GJA5: variants seen among roughly 807,000 people sequenced by gnomAD.
GJA5 encodes the protein gap junction protein alpha 5.
Under a neutral mutation model 7.9 loss-of-function variants are expected in GJA5, and 3 were observed. The ratio of observed to expected loss-of-function variants is 0.38; its 90% confidence interval spans 0.17 to 0.99. The LOEUF (loss-of-function observed/expected upper bound fraction) is 0.99. GJA5 is among the 50% of genes least tolerant of loss of function. The pLI, the probability that GJA5 is intolerant of heterozygous loss-of-function variation, is 0.38. For missense variants in GJA5, 390 were observed against 457.9 expected, an observed-to-expected ratio of 0.85 and a Z score of 1.35; for synonymous variants, 193 against 181.0, an observed-to-expected ratio of 1.07 and a Z score of -0.53.
chr1:147,770,415 G>A (rs1664353180), intron 1 of GJA5, among the ~76,000 whole-genome samples: 2 of 151,964 alleles, frequency 1.3e-5, no homozygotes, highest in African/African-American at 4.8e-5. Context: ...CTAGCTTAGA[G>A]GACAGCAGAA....
At position 147,758,253 on chromosome 1, in the gene GJA5, G is replaced by A. The variant is rs1553226761; in HGVS notation, c.986C>T (p.Pro329Leu). The A allele has an allele frequency of 1.2e-6, 2 of 1,614,094 alleles. No homozygotes were observed. The highest frequency in any genetic ancestry group is 1.7e-5 in the Admixed American group (1 of 60,020). Reference sequence around the variant, plus strand: ...ATAGCCATGGGGAAGGCGGTGACCTGGTGAGACTCCATTGGGCACCTCAGG... The same window carrying A: ...ATAGCCATGGGGAAGGCGGTGACCTAGTGAGACTCCATTGGGCACCTCAGG... Reference protein sequence around the residue: ...QKPEVPNGVSPGHRLPHGYHS... With the variant: ...QKPEVPNGVSLGHRLPHGYHS... The change falls in exon 2 of 2, where the codon CCA becomes CTA. Residue 329 changes from proline to leucine, a missense_variant. By Grantham distance (98) the Pro-to-Leu change is moderately conservative. Transcript: ENST00000579774.
chr1:147,757,683 C>T lies in GJA5; in HGVS notation c.*479G>A, dbSNP rs952408669. The T allele has an allele frequency of 4.8e-5, 9 of 187,554 alleles. No individual in the cohort carries two copies. The highest frequency in any genetic ancestry group is 9.0e-5 in the Non-Finnish European group (8 of 88,572). 11.6% of individuals were successfully genotyped at this position (187,554 alleles called of 1,614,324 possible). On this transcript the variant is annotated 3_prime_UTR_variant, in exon 2 of 2. Transcript: ENST00000579774. Reference sequence around the variant, plus strand: ...GAATGGTCCATGGAGACAACAGATTCAAGAGCACATATAATGCAAGTTCCT... The same window carrying T: ...GAATGGTCCATGGAGACAACAGATTTAAGAGCACATATAATGCAAGTTCCT...
chr1:147,771,961 G>A (rs1664423176), intron 1 of GJA5, among the ~76,000 whole-genome samples: 1 of 152,182 alleles, frequency 6.6e-6, no homozygotes, highest in African/African-American at 2.4e-5. Context: ...GTGGGTGGAG[G>A]GGATGGAGGC....
chr1:147,758,001 G>C lies in GJA5; in HGVS notation c.*161C>G. 1.5e-6 allele frequency: 1 copy of C among 649,318 alleles called. No homozygotes were observed. The highest frequency in any genetic ancestry group is 2.7e-6 in the Non-Finnish European group (1 of 365,206). 40.2% of individuals were successfully genotyped at this position (649,318 alleles called of 1,614,324 possible). A position where few individuals can be genotyped will look rare whatever the true frequency, so the allele number is the denominator to read the frequency against. On this transcript the variant is annotated 3_prime_UTR_variant, in exon 2 of 2. Transcript: ENST00000579774. ...ACCTCTCTTACTATCCCAGAGCCCT[G>C]GTTATAGTTTCTAGAATTAATGAGC... is the stretch of plus-strand genomic sequence containing the variant.
At chr1:147,771,072 C>T (rs1571082049) in intron 1 of GJA5, among the ~76,000 whole-genome samples, 1 of 152,160 alleles carries the variant, frequency 6.6e-6, no homozygotes, top group East Asian at 1.9e-4. Context: ...GTCTCCCTGT[C>T]CCTGAAAACG....
upstream of GJA5, among the ~76,000 whole-genome samples, chr1:147,763,122 A>G (rs1383879290): frequency 6.6e-6 from 1 of 152,214 alleles, no homozygotes; most frequent in Non-Finnish European, 1.5e-5. Context: ...ACATGTACTT[A>G]TGTGCATCTC....
intron 1 of GJA5, among the ~76,000 whole-genome samples, chr1:147,770,678 C>T (rs1282058676): frequency 6.6e-6 from 1 of 152,134 alleles, no homozygotes; most frequent in Non-Finnish European, 1.5e-5. Flanking sequence ...GTTCTTCCTT[C>T]GGCCCTACCC....
At chr1:147,767,905 T>C (rs1199011180) in intron 1 of GJA5, among the ~76,000 whole-genome samples, 4 of 152,222 alleles carry the variant, frequency 2.6e-5, no homozygotes, top group African/African-American at 7.2e-5. Flanking sequence ...GGAATGTTCA[T>C]TGAGATCATT....
intron 1 of GJA5, among the ~76,000 whole-genome samples, chr1:147,771,151 G>A (rs1369580505): frequency 2.0e-5 from 3 of 152,226 alleles, no homozygotes; most frequent in Non-Finnish European, 4.4e-5. Flanking sequence ...GGTGGGGTCA[G>A]CCAGTACCTG....
At position 147,758,883 on chromosome 1, in the gene GJA5, C is replaced by A; in HGVS notation, c.356G>T (p.Gly119Val). Residue 119 changes from glycine (G) to valine (V), a missense_variant, in exon 2 of 2, where the codon GGC becomes GTC. By Grantham distance (109) the Gly-to-Val change is moderately radical. Around this residue, in one of 2 missense-constraint regions of GJA5, gnomAD observed 354 missense variants for 370.9 expected, o/e 0.95. Coordinates refer to ENST00000579774, the MANE Select transcript of GJA5 (RefSeq NM_181703.4). ...REAERAKEVR[G>V]SGSYEYPVAE... ...CACCGGGTACTCGTAAGAGCCAGAGCCCCGGACCTCTTTGGCCCTCTCGGC... is the reference window on the plus strand; with the variant it reads ...CACCGGGTACTCGTAAGAGCCAGAGACCCGGACCTCTTTGGCCCTCTCGGC... 13 of 1,614,222 alleles carry A rather than the reference C, an allele frequency of 8.1e-6. No individual in the cohort carries two copies. The highest frequency in any genetic ancestry group is 1.1e-5 in the Non-Finnish European group (13 of 1,180,026).
At chr1:147,770,656 C>T (rs1026830073) in intron 1 of GJA5, among the ~76,000 whole-genome samples, 1 of 152,120 alleles carries the variant, frequency 6.6e-6, no homozygotes, top group Non-Finnish European at 1.5e-5. Context: ...AAATGTGACT[C>T]CAAATGCCCA....
At chr1:147,761,486 T>G (rs1293920493), upstream of GJA5, among the ~76,000 whole-genome samples, 1 of 152,058 alleles carries the variant, frequency 6.6e-6, no homozygotes, top group Non-Finnish European at 1.5e-5. Flanking sequence ...AACTTGAGAG[T>G]ATACAGTGTC....
intron 1 of GJA5, among the ~76,000 whole-genome samples, chr1:147,766,850 T>C (rs782444658): frequency 1.3e-5 from 2 of 152,158 alleles, no homozygotes; most frequent in Non-Finnish European, 2.9e-5. Flanking sequence ...TGGAATGTGG[T>C]GCAGGGCAGA....
At position 147,758,843 on chromosome 1, in the gene GJA5, T is replaced by C. The variant is rs1365091987; in HGVS notation, c.396A>G (p.Glu132=). The change falls in exon 2 of 2, where the codon GAA becomes GAG. Residue 132 remains glutamate (E), a synonymous_variant. Coordinates refer to ENST00000579774, the MANE Select transcript of GJA5 (RefSeq NM_181703.4). ...SYEYPVAEKA[E]LSCWEEGNGR... is the part of the protein sequence containing the mutation. ...CATTCCCTTCCTCCCAGCAGGACAG[T>C]TCTGCCTTCTCTGCCACCGGGTACT... is the stretch of plus-strand genomic sequence containing the variant. 2 of 1,614,112 alleles carry C rather than the reference T, an allele frequency of 1.2e-6. No individual in the cohort carries two copies. Among genetic ancestry groups the C allele is most frequent in the Non-Finnish European group, 1.7e-6 (2 of 1,180,038 alleles).
chr1:147,769,390 C>G (rs782328513), intron 1 of GJA5, among the ~76,000 whole-genome samples: 6 of 152,214 alleles, frequency 3.9e-5, no homozygotes, highest in Non-Finnish European at 8.8e-5. Context: ...GCATCACTCT[C>G]TAGTAGTGTA....
chr1:147,759,764 T>A (rs1193213481), intron 1 of GJA5, among the ~76,000 whole-genome samples: 1 of 152,192 alleles, frequency 6.6e-6, no homozygotes, highest in African/African-American at 2.4e-5. Context: ...CGAATGGGGA[T>A]GGGAATAGCT....
intron 1 of GJA5, among the ~76,000 whole-genome samples, chr1:147,769,200 C>T (rs587680703): frequency 3.2e-4 from 49 of 152,380 alleles, no homozygotes; most frequent in South Asian, 6.2e-4. Flanking sequence ...AAAGTTATTT[C>T]CTTTTTTAGC....
upstream of GJA5, among the ~76,000 whole-genome samples, chr1:147,762,707 A>G (rs1664064901): frequency 6.6e-6 from 1 of 152,172 alleles, no homozygotes; most frequent in Non-Finnish European, 1.5e-5. Context: ...TAAAATAGCT[A>G]CCATGTACCA....
Position 147,758,021 on chromosome 1 carries a change from A to G in GJA5, c.*141T>C, listed in dbSNP as rs1171741084. The stretch of plus-strand genomic sequence containing the variant: ...GCCCTGGTTATAGTTTCTAGAATTA[A>G]TGAGCAACGTCATTGAGACCCGGGG... On this transcript the variant is annotated 3_prime_UTR_variant, in exon 2 of 2. Coordinates refer to ENST00000579774, the MANE Select transcript of GJA5 (RefSeq NM_181703.4). 2.9e-6 allele frequency: 2 copies of G among 693,664 alleles called. No individual in the cohort carries two copies. Among genetic ancestry groups the G allele is most frequent in the Non-Finnish European group, 5.1e-6 (2 of 392,496 alleles). The allele number at this position is 693,664 out of a possible 1,614,324, so 43.0% of individuals were successfully genotyped here. A position where few individuals can be genotyped will look rare whatever the true frequency, so the allele number is the denominator to read the frequency against.
Sources: allele counts gnomAD v4.1 joint callset (sites outside exome capture counted in the v4.1 genomes callset), GRCh38; gene constraint gnomAD v4.1.1; regional missense constraint gnomAD v4.1.1; transcripts MANE v1.5; gene names NCBI Gene and HGNC (gene_info 2026-07-23, HGNC 2026-07-21).